Variants in FGF14 observed in about 807,000 individuals in gnomAD.
FGF14 encodes fibroblast growth factor 14.
A neutral mutation model predicts 25.5 loss-of-function variants in FGF14; 5 were observed. That is an observed-to-expected ratio of 0.20 (90% CI 0.10 to 0.41). The LOEUF is 0.41. FGF14 is among the 10% of genes least tolerant of loss of function. The probability of loss-of-function intolerance (pLI) is 1.00; values close to 1 mark genes in which losing one functional copy is unlikely to be tolerated. For synonymous variants in FGF14, 138 were observed against 118.3 expected (o/e 1.17, Z -1.08); for missense variants, 222 against 320.1 (o/e 0.69, Z 2.34).
intron 1 of FGF14, among the ~76,000 whole-genome samples, chr13:101,902,682 G>C (rs972579015): frequency 6.6e-6 from 1 of 152,092 alleles, no homozygotes; most frequent in Non-Finnish European, 1.5e-5. Flanking sequence ...CAATTCTCTT[G>C]ACTTATAATT....
intron 1 of FGF14, among the ~76,000 whole-genome samples, chr13:102,097,592 A>G (rs1333270443): frequency 6.6e-6 from 1 of 152,198 alleles, no homozygotes; most frequent in African/African-American, 2.4e-5. Context: ...AGACTGACGC[A>G]GTAACACTCA....
At chr13:101,910,837 C>CGT (rs59758881) in intron 1 of FGF14, among the ~76,000 whole-genome samples, 6,949 of 129,206 alleles carry the variant, frequency 0.054, 239 homozygotes, top group Non-Finnish European at 0.071. Flanking sequence ...GATTTGGATT[C>CGT]GTGTGTGTGT....
chr13:102,257,353 T>TTTTTC, intron 1 of FGF14, among the ~76,000 whole-genome samples: 1 of 126,088 alleles, frequency 7.9e-6, no homozygotes, highest in East Asian at 2.3e-4. Flanking sequence ...TTTTTTTTTT[T>TTTTTC]TTTTTTTTTT....
intron 1 of FGF14, among the ~76,000 whole-genome samples, chr13:102,057,882 A>G (rs1301998299): frequency 1.3e-5 from 2 of 152,194 alleles, no homozygotes; most frequent in Non-Finnish European, 2.9e-5. Flanking sequence ...AATTTCTCCA[A>G]GTGCTGAATG....
chr13:102,261,858 G>A (rs1320667607), intron 1 of FGF14, among the ~76,000 whole-genome samples: 1 of 152,178 alleles, frequency 6.6e-6, no homozygotes, highest in Non-Finnish European at 1.5e-5. Flanking sequence ...ATATGTAGGA[G>A]TCTTTTTGTC....
At chr13:101,790,045 T>C (rs564043357) in intron 3 of FGF14, among the ~76,000 whole-genome samples, 92 of 151,940 alleles carry the variant, frequency 6.1e-4, no homozygotes, top group Non-Finnish European at 1.1e-3. Flanking sequence ...CTTCAGATTC[T>C]ACCTCTGGGT....
chr13:101,932,896 T>C (rs1377693157), intron 1 of FGF14, among the ~76,000 whole-genome samples: 1 of 152,114 alleles, frequency 6.6e-6, no homozygotes. Flanking sequence ...ATTCAATGAA[T>C]TTTGAGATCA....
chr13:102,346,958 T>C (rs559363177), intron 1 of FGF14, among the ~76,000 whole-genome samples: 4 of 152,288 alleles, frequency 2.6e-5, no homozygotes, highest in African/African-American at 9.6e-5. Context: ...CTTTCACGTG[T>C]CTTGCACTGA....
At chr13:101,794,601 G>A (rs749397431) in intron 3 of FGF14, among the ~76,000 whole-genome samples, 2 of 151,988 alleles carry the variant, frequency 1.3e-5, no homozygotes, top group Non-Finnish European at 2.9e-5. Context: ...AGTCCCTTGG[G>A]GATTTAGTGC....
intron 1 of FGF14, among the ~76,000 whole-genome samples, chr13:102,294,409 T>G (rs556362484): frequency 6.6e-6 from 1 of 151,128 alleles, no homozygotes; most frequent in South Asian, 2.1e-4. Context: ...GAAGACTGTT[T>G]GGTCCAAAAA....
chr13:101,961,381 G>A (rs779737151), intron 1 of FGF14, among the ~76,000 whole-genome samples: 1 of 152,150 alleles, frequency 6.6e-6, no homozygotes, highest in Non-Finnish European at 1.5e-5. Flanking sequence ...GTAAGGAAGA[G>A]GTCCAGTTTC....
intron 3 of FGF14, among the ~76,000 whole-genome samples, chr13:101,852,050 G>A (rs981120431): frequency 3.3e-5 from 5 of 152,022 alleles, no homozygotes; most frequent in South Asian, 4.1e-4. Flanking sequence ...ATCTGCTAGC[G>A]TAGAAAAGAC....
At chr13:101,994,152 C>T (rs189568934) in intron 1 of FGF14, among the ~76,000 whole-genome samples, 183 of 152,026 alleles carry the variant, frequency 1.2e-3, no homozygotes, top group African/African-American at 4.3e-3. Context: ...TGTGTATGTA[C>T]ATGTGTTTAT....
intron 3 of FGF14, among the ~76,000 whole-genome samples, chr13:101,816,297 C>T (rs1352951871): frequency 7.4e-6 from 1 of 134,532 alleles, no homozygotes; most frequent in African/African-American, 3.0e-5. Context: ...TTGGCTTACC[C>T]GAAATCTAAA....
At chr13:102,062,132 G>T (rs1566635775) in intron 1 of FGF14, among the ~76,000 whole-genome samples, 1 of 152,066 alleles carries the variant, frequency 6.6e-6, no homozygotes. Context: ...AATAAGAATG[G>T]ATAAAAAATT....
chr13:101,763,835 G>A (rs1163324298), intron 3 of FGF14, among the ~76,000 whole-genome samples: 1 of 152,038 alleles, frequency 6.6e-6, no homozygotes, highest in Non-Finnish European at 1.5e-5. Flanking sequence ...ACTCCAGCCT[G>A]GGCAACAAGA....
intron 1 of FGF14, among the ~76,000 whole-genome samples, chr13:102,252,836 C>A (rs1479644253): frequency 6.6e-6 from 1 of 152,106 alleles, no homozygotes; most frequent in African/African-American, 2.4e-5. Flanking sequence ...CACCCCACAA[C>A]AGGTCACTGT....
Position 101,974,541 on chromosome 13 carries a change from C to G in FGF14, c.209-99245G>C, listed in dbSNP as rs72662473. The stretch of plus-strand genomic sequence containing the variant: ...CATAATAATATTTTAAATATAATTA[C>G]CCTAATACAATGTATCCCTGCTCTC... On this transcript the variant is annotated intron_variant, in intron 1 of 4. Coordinates refer to the FGF14 transcript ENST00000376131. Among the ~76,000 whole-genome samples the G allele has an allele frequency of 5.1e-3, 781 of 152,102 alleles. 1 individual carries two copies. The highest frequency in any genetic ancestry group is 0.032 in the East Asian group (167 of 5,180).
At chr13:102,248,789 C>T (rs1018280617) in intron 1 of FGF14, among the ~76,000 whole-genome samples, 6 of 152,108 alleles carry the variant, frequency 3.9e-5, no homozygotes, top group Non-Finnish European at 8.8e-5. Flanking sequence ...AAAATGTCCA[C>T]ACCATCTTTC....
Sources: gnomAD v4.1 joint callset for allele counts (sites outside exome capture counted in the v4.1 genomes callset) on GRCh38, gnomAD v4.1.1 for gene constraint, MANE v1.5 for transcripts, NCBI Gene and HGNC (gene_info 2026-07-23, HGNC 2026-07-21) for gene names.